Variants in OCA2 observed in about 807,000 individuals in gnomAD.
The protein encoded by OCA2 is P protein.
OCA2 carries 77 observed loss-of-function variants against 100.2 expected under a neutral mutation model. The ratio of observed to expected loss-of-function variants is 0.77; its 90% CI spans 0.64 to 0.93. The LOEUF (loss-of-function observed/expected upper bound fraction) is 0.93, where lower values mean the gene tolerates loss of function less well. Among genes scored for constraint, OCA2 ranks in the 40% least tolerant of loss-of-function variants. The pLI, the probability that OCA2 is intolerant of heterozygous loss-of-function variation, is 0.00. For missense variants in OCA2, 1,062 were observed against 1,089.1 expected, an observed-to-expected ratio of 0.98 and a Z score of 0.35; for synonymous variants, 432 against 439.2, an observed-to-expected ratio of 0.98 and a Z score of 0.21.
intron 8 of OCA2, among the ~76,000 whole-genome samples, chr15:28,015,590 G>A (rs2042365945): frequency 2.0e-5 from 3 of 152,126 alleles, no homozygotes; most frequent in African/African-American, 7.2e-5. Context: ...GGCACAGAGG[G>A]ATGGTCACCT....
At chr15:27,824,710 T>C (rs1209944464) in intron 23 of OCA2, among the ~76,000 whole-genome samples, 1 of 150,704 alleles carries the variant, frequency 6.6e-6, no homozygotes, top group Admixed American at 6.6e-5. Flanking sequence ...GGCCAGCTGC[T>C]AGCTCTGCTC....
intron 18 of OCA2, among the ~76,000 whole-genome samples, chr15:27,942,848 T>C (rs934728929): frequency 2.0e-5 from 3 of 152,188 alleles, no homozygotes; most frequent in Non-Finnish European, 4.4e-5. Flanking sequence ...CATTATGTTA[T>C]ATTATATTGC....
intron 23 of OCA2, among the ~76,000 whole-genome samples, chr15:27,829,268 T>C (rs1346761192): frequency 8.4e-6 from 1 of 118,570 alleles, no homozygotes; most frequent in Non-Finnish European, 1.8e-5. Flanking sequence ...AGACAAGAGA[T>C]AGAAGATAGA....
At chr15:28,057,797 C>T (rs549992221) in intron 2 of OCA2, among the ~76,000 whole-genome samples, 3 of 146,934 alleles carry the variant, frequency 2.0e-5, no homozygotes, top group South Asian at 2.1e-4. Context: ...GTGGGAACAA[C>T]GTCATCACAA....
chr15:27,956,017 A>G (rs2040211969), intron 16 of OCA2, among the ~76,000 whole-genome samples: 1 of 152,210 alleles, frequency 6.6e-6, no homozygotes, highest in Non-Finnish European at 1.5e-5. Context: ...GACACAGTCG[A>G]ATGATTCTGA....
At chr15:27,912,690 T>C (rs2038442943) in intron 19 of OCA2, among the ~76,000 whole-genome samples, 2 of 152,142 alleles carry the variant, frequency 1.3e-5, no homozygotes, top group Admixed American at 1.3e-4. Context: ...TTAGGCAAAC[T>C]CTACAGTCAT....
intron 23 of OCA2, among the ~76,000 whole-genome samples, chr15:27,828,780 T>C (rs953254276): frequency 8.5e-5 from 13 of 152,090 alleles, no homozygotes; most frequent in African/African-American, 1.4e-4. Flanking sequence ...CGGTGGCAAG[T>C]GATAGGGTCT....
intron 18 of OCA2, among the ~76,000 whole-genome samples, chr15:27,948,820 C>T (rs895738322): frequency 8.5e-5 from 13 of 152,282 alleles, no homozygotes; most frequent in African/African-American, 3.1e-4. Flanking sequence ...AGGCATTACA[C>T]TGTGTGAGAC....
the OCA2 span, among the ~76,000 whole-genome samples, chr15:27,728,379 C>G: frequency 6.6e-6 from 1 of 151,330 alleles, no homozygotes; most frequent in African/African-American, 2.5e-5. Context: ...GCTCTACCCT[C>G]TAAATCATCT....
chr15:27,751,114 C>T (rs553272544), downstream of OCA2, among the ~76,000 whole-genome samples: 16 of 152,308 alleles, frequency 1.1e-4, no homozygotes, highest in African/African-American at 3.1e-4. Flanking sequence ...AATATCCAGA[C>T]GGTCCTAATG....
chr15:27,980,003 C>T (rs1008883853), intron 14 of OCA2, among the ~76,000 whole-genome samples: 1 of 151,712 alleles, frequency 6.6e-6, no homozygotes, highest in African/African-American at 2.4e-5. Context: ...TGTGAGCCAC[C>T]GCACCTGACA....
At chr15:27,808,338 G>A (rs561326624) in intron 23 of OCA2, among the ~76,000 whole-genome samples, 4 of 152,336 alleles carry the variant, frequency 2.6e-5, no homozygotes, top group East Asian at 3.9e-4. Context: ...TGGGGCAGAT[G>A]TCGCAACCTC....
At chr15:27,979,568 T>G (rs1422014361) in intron 14 of OCA2, among the ~76,000 whole-genome samples, 2 of 152,204 alleles carry the variant, frequency 1.3e-5, no homozygotes, top group Non-Finnish European at 2.9e-5. Flanking sequence ...TATTCTTTGT[T>G]GGCATTAGCT....
intron 23 of OCA2, among the ~76,000 whole-genome samples, chr15:27,831,325 G>A (rs2034948579): frequency 6.8e-6 from 1 of 147,112 alleles, no homozygotes; most frequent in African/African-American, 2.5e-5. Flanking sequence ...AGTCCAGTGA[G>A]TCCAGGCTCG....
In OCA2 at chr15:27,957,873, A is replaced by G; in HGVS notation, c.1637-138T>C. On this transcript the variant is annotated intron_variant, in intron 15 of 23. Coordinates refer to ENST00000354638, the MANE Select transcript of OCA2 (RefSeq NM_000275.3). This position sits in a 1 kb window ranked among gnomAD's most constrained non-coding sequence, Gnocchi z 4.3. ...GTGCAGGTAGCCCAGGGTCACCCAGAGCTTCTCAGCACCTGAGCTATTGCA... is the reference window on the plus strand; with the variant it reads ...GTGCAGGTAGCCCAGGGTCACCCAGGGCTTCTCAGCACCTGAGCTATTGCA... The G allele has an allele frequency of 1.1e-6, 1 of 932,032 alleles. No homozygotes were observed. Among genetic ancestry groups the G allele is most frequent in the Non-Finnish European group, 1.7e-6 (1 of 590,414 alleles). 57.7% of individuals were successfully genotyped at this position (932,032 alleles called of 1,614,324 possible). A position where few individuals can be genotyped will look rare whatever the true frequency, so the allele number is the denominator to read the frequency against.
At chr15:28,093,548 A>C (rs1183207650) in intron 1 of OCA2, among the ~76,000 whole-genome samples, 2 of 151,944 alleles carry the variant, frequency 1.3e-5, no homozygotes, top group African/African-American at 4.9e-5. Context: ...GCAGTTTGAC[A>C]GTTTTTAAAA....
intron 23 of OCA2, among the ~76,000 whole-genome samples, chr15:27,804,730 G>C (rs547898299): frequency 6.6e-6 from 1 of 152,162 alleles, no homozygotes; most frequent in Non-Finnish European, 1.5e-5. Flanking sequence ...GCTGAAAAGA[G>C]GGCTGGGGCG....
At chr15:27,999,718 CTAAA>C (rs1445613740) in intron 9 of OCA2, among the ~76,000 whole-genome samples, 9 of 152,096 alleles carry the variant, frequency 5.9e-5, no homozygotes, top group African/African-American at 2.2e-4. Flanking sequence ...ATAGAAAACC[CTAAA>C]GACTCTACCA....
At chr15:28,044,918 G>A (rs991980980) in intron 2 of OCA2, among the ~76,000 whole-genome samples, 3 of 151,940 alleles carry the variant, frequency 2.0e-5, no homozygotes, top group African/African-American at 7.3e-5. Flanking sequence ...TTAATACTTA[G>A]AATGATTTTA....
Sources: allele counts gnomAD v4.1 joint callset (sites outside exome capture counted in the v4.1 genomes callset), GRCh38; gene constraint gnomAD v4.1.1; non-coding constraint Gnocchi (gnomAD v3.1); transcripts MANE v1.5; gene names NCBI Gene and HGNC (gene_info 2026-07-23, HGNC 2026-07-21).